AKAP9: variants seen among roughly 807,000 people sequenced by gnomAD.
AKAP9 encodes the protein A-kinase anchoring protein 9, also known as A-kinase anchor protein 9.
In AKAP9, 311 loss-of-function variants were observed where a neutral mutation model predicts 488.5. The ratio of observed to expected loss-of-function variants is 0.64; its 90% CI spans 0.58 to 0.70. The LOEUF is 0.70. AKAP9 is among the 30% of genes least tolerant of loss of function. The pLI is 0.00. For synonymous variants in AKAP9, 1,462 were observed against 1,483.5 expected (o/e 0.99, Z 0.33); for missense variants, 4,215 against 4,374.5 (o/e 0.96, Z 1.03).
chr7:92,019,981 T>C (rs1323938156), intron 12 of AKAP9, among the ~76,000 whole-genome samples: 2 of 151,522 alleles, frequency 1.3e-5, no homozygotes, highest in Non-Finnish European at 2.9e-5. Flanking sequence ...ACCACTGCAC[T>C]CCAGCCTGGG....
At chr7:92,067,392 C>T (rs1810941507) in intron 26 of AKAP9, among the ~76,000 whole-genome samples, 1 of 152,206 alleles carries the variant, frequency 6.6e-6, no homozygotes, top group East Asian at 1.9e-4. Flanking sequence ...TCTTCTTCAT[C>T]TCAGTAAATT....
chr7:92,061,230 C>T, intron 22 of AKAP9, 30 bp from the exon 23 acceptor site: 1 of 1,608,356 alleles, frequency 6.2e-7, no homozygotes, highest in Admixed American at 1.7e-5. Flanking sequence ...ACTTTATTTT[C>T]TTTTATGTAT....
chr7:91,945,087 G>T (rs1791291806), intron 1 of AKAP9, among the ~76,000 whole-genome samples: 1 of 152,182 alleles, frequency 6.6e-6, no homozygotes, highest in Non-Finnish European at 1.5e-5. Context: ...CTTAGGCGGG[G>T]TGTGATGGCT....
intron 30 of AKAP9, among the ~76,000 whole-genome samples, chr7:92,078,523 C>T (rs944927873): frequency 6.6e-6 from 1 of 150,886 alleles, no homozygotes; most frequent in African/African-American, 2.4e-5. Context: ...CAGTGAGCCT[C>T]ATCATGCCAC....
chr7:91,991,955 C>G (rs1253629831), intron 3 of AKAP9, among the ~76,000 whole-genome samples: 1 of 152,134 alleles, frequency 6.6e-6, no homozygotes, highest in East Asian at 1.9e-4. Context: ...TGTAAGCACT[C>G]AGATTTGTGA....
At chr7:92,106,371 GA>G (rs34987141) in intron 47 of AKAP9, among the ~76,000 whole-genome samples, 60,359 of 151,816 alleles carry the variant, frequency 0.4, 12,327 homozygotes, top group African/African-American at 0.46. Flanking sequence ...ACTTTTAGAT[GA>G]AAAATCGAGG....
intron 10 of AKAP9, among the ~76,000 whole-genome samples, chr7:92,014,793 A>G (rs1413466860): frequency 1.3e-5 from 2 of 152,216 alleles, no homozygotes; most frequent in African/African-American, 2.4e-5. Context: ...TAAAATGAGC[A>G]TTAAAAATTT....
intron 4 of AKAP9, 54 bp from the exon 5 acceptor site, chr7:91,992,831 C>G: frequency 6.5e-7 from 1 of 1,532,168 alleles, no homozygotes; most frequent in South Asian, 1.1e-5. Flanking sequence ...TTGAATCTCT[C>G]TCCCTAAGGA....
chr7:92,015,862 A>T (rs993439590), intron 10 of AKAP9, among the ~76,000 whole-genome samples: 42 of 152,184 alleles, frequency 2.8e-4, no homozygotes, highest in Non-Finnish European at 1.2e-4. Context: ...AAAGTATAAG[A>T]TAAATTTTAT....
chr7:92,015,858 T>G (rs2130712749), intron 10 of AKAP9, among the ~76,000 whole-genome samples: 1 of 152,290 alleles, frequency 6.6e-6, no homozygotes, highest in East Asian at 1.9e-4. Context: ...GATTAAAGTA[T>G]AAGATAAATT....
At position 91,987,310 on chromosome 7, in the gene AKAP9, T is replaced by C. The variant is rs184652614; in HGVS notation, c.352-4848T>C. On this transcript the variant is annotated intron_variant, in intron 3 of 49. Transcript: ENST00000356239. ...GGCGTATGCCTGTAATCCCAGCTAC[T>C]TGGGAGGCTGAGGCAGGAAAATTGT... Among the ~76,000 whole-genome samples, 1,428 of 152,146 alleles carry C rather than the reference T, an allele frequency of 9.4e-3. 11 individuals carry two copies. Among genetic ancestry groups the C allele is most frequent in the Non-Finnish European group, 0.013 (894 of 67,996 alleles).
chr7:92,027,718 G>A (rs1457719230), intron 14 of AKAP9, among the ~76,000 whole-genome samples: 5 of 148,490 alleles, frequency 3.4e-5, no homozygotes, highest in African/African-American at 1.3e-4. Flanking sequence ...TGTGAGGAGC[G>A]CCTCTGCCTG....
intron 28 of AKAP9, among the ~76,000 whole-genome samples, chr7:92,075,916 G>A (rs1304117819): frequency 1.3e-5 from 2 of 152,186 alleles, no homozygotes; most frequent in Non-Finnish European, 2.9e-5. Flanking sequence ...GGCAGTAAAT[G>A]ATTCATAAGC....
At chr7:92,059,175 T>C (rs2130816997) in intron 22 of AKAP9, among the ~76,000 whole-genome samples, 1 of 152,100 alleles carries the variant, frequency 6.6e-6, no homozygotes, top group South Asian at 2.1e-4. Flanking sequence ...TGACAGAATA[T>C]TAACTGATAC....
intron 1 of AKAP9, among the ~76,000 whole-genome samples, chr7:91,945,497 ACT>A (rs1159317071): frequency 6.6e-6 from 1 of 152,024 alleles, no homozygotes; most frequent in Non-Finnish European, 1.5e-5. Context: ...ACAGAGCAAG[ACT>A]CTGTCTCAAA....
intron 1 of AKAP9, among the ~76,000 whole-genome samples, chr7:91,943,035 A>T (rs1165545403): frequency 8.0e-6 from 1 of 125,286 alleles, no homozygotes; most frequent in African/African-American, 2.7e-5. Flanking sequence ...AAAATTAAAT[A>T]AAAAAAAAAA....
At chr7:92,054,379 T>C (rs958975238) in intron 22 of AKAP9, among the ~76,000 whole-genome samples, 1 of 152,008 alleles carries the variant, frequency 6.6e-6, no homozygotes, top group Non-Finnish European at 1.5e-5. Flanking sequence ...TATAACAAAA[T>C]GTAAAACAGC....
chr7:92,026,557 G>T (rs1186056192), intron 14 of AKAP9, among the ~76,000 whole-genome samples: 1 of 152,100 alleles, frequency 6.6e-6, no homozygotes, highest in African/African-American at 2.4e-5. Context: ...CTGGTCTCCA[G>T]CTCCTGACCT....
chr7:92,074,456 A>T (rs1001250963), intron 28 of AKAP9, among the ~76,000 whole-genome samples: 6 of 152,230 alleles, frequency 3.9e-5, no homozygotes, highest in African/African-American at 1.4e-4. Flanking sequence ...CAGTGTGGCG[A>T]TTCCTCAAGG....
Sources: gnomAD v4.1 joint callset for allele counts (sites outside exome capture counted in the v4.1 genomes callset) on GRCh38, gnomAD v4.1.1 for gene constraint, MANE v1.5 for transcripts, NCBI Gene and HGNC (gene_info 2026-07-23, HGNC 2026-07-21) for gene names.